Variants in TENM3 observed in about 807,000 individuals in gnomAD.
The protein encoded by TENM3 is teneurin transmembrane protein 3.
TENM3 carries 63 observed loss-of-function variants against 255.1 expected under a neutral mutation model. That is an observed-to-expected ratio of 0.25 (90% confidence interval 0.20 to 0.30). The LOEUF (loss-of-function observed/expected upper bound fraction) is 0.30, where lower values mean the gene tolerates loss of function less well. TENM3 is among the 10% of genes least tolerant of loss of function. The pLI, the probability that TENM3 is intolerant of heterozygous loss-of-function variation, is 1.00. For missense variants in TENM3, 2,929 were observed against 3,461.1 expected (o/e 0.85, Z 3.86); for synonymous variants, 1,306 against 1,322.3 (o/e 0.99, Z 0.27).
the TENM3 span, among the ~76,000 whole-genome samples, chr4:181,465,223 A>G: frequency 6.6e-6 from 1 of 152,008 alleles, no homozygotes; most frequent in Non-Finnish European, 1.5e-5. Flanking sequence ...CTTAGTTTCC[A>G]TAATCATGTT....
At chr4:182,568,299 A>G (rs1238626182) in intron 3 of TENM3, among the ~76,000 whole-genome samples, 1 of 152,226 alleles carries the variant, frequency 6.6e-6, no homozygotes, top group African/African-American at 2.4e-5. Flanking sequence ...GTTGGAAGGC[A>G]AGGATCCAGG....
chr4:182,627,758 A>C (rs1464780978), intron 4 of TENM3, among the ~76,000 whole-genome samples: 1 of 134,172 alleles, frequency 7.5e-6, no homozygotes, highest in Non-Finnish European at 1.6e-5. Context: ...TGTTAATAGG[A>C]ATATTAAAAT....
chr4:181,536,994 G>C, the TENM3 span, among the ~76,000 whole-genome samples: 1 of 151,966 alleles, frequency 6.6e-6, no homozygotes, highest in African/African-American at 2.4e-5. Context: ...TAGGTCAACT[G>C]GTAATGATAA....
At chr4:182,312,408 CTGTG>C (rs1203972059) in intron 1 of TENM3, among the ~76,000 whole-genome samples, 2 of 152,068 alleles carry the variant, frequency 1.3e-5, no homozygotes, top group Non-Finnish European at 2.9e-5. Context: ...ATTATTATTA[CTGTG>C]TGTGTGATTG....
the TENM3 span, among the ~76,000 whole-genome samples, chr4:181,632,870 A>C: frequency 6.6e-6 from 1 of 152,232 alleles, no homozygotes; most frequent in Non-Finnish European, 1.5e-5. Context: ...CAAACGAAAC[A>C]ACTTCAGTAG....
At chr4:182,042,240 T>C in the TENM3 span, among the ~76,000 whole-genome samples, 1 of 152,212 alleles carries the variant, frequency 6.6e-6, no homozygotes, top group South Asian at 2.1e-4. Context: ...TTTTTCTCTC[T>C]CCTTGATATA....
chr4:182,525,930 A>T (rs376930737), intron 3 of TENM3, among the ~76,000 whole-genome samples: 3 of 152,198 alleles, frequency 2.0e-5, no homozygotes, highest in African/African-American at 7.2e-5. Context: ...GCAGTTTCCA[A>T]TGCCTGACAC....
chr4:182,440,845 T>G (rs1348391745), intron 3 of TENM3, among the ~76,000 whole-genome samples: 1 of 152,018 alleles, frequency 6.6e-6, no homozygotes, highest in Non-Finnish European at 1.5e-5. Flanking sequence ...CGACTTTTAT[T>G]TCAGGTTTGG....
intron 3 of TENM3, among the ~76,000 whole-genome samples, chr4:182,578,133 C>T (rs1392344821): frequency 3.9e-5 from 6 of 152,160 alleles, no homozygotes; most frequent in South Asian, 2.1e-4. Context: ...CCCACCACCA[C>T]GCCCAGCTAA....
Position 182,323,848 on chromosome 4 carries a change from ACT to A in TENM3, c.-75-97_-75-96del, listed in dbSNP as rs1561320470. On this transcript the variant is annotated intron_variant, in intron 1 of 27. Coordinates refer to ENST00000511685, the MANE Select transcript of TENM3 (RefSeq NM_001080477.4). ...AAAGCAAGTTTCCTAGATAAGCAATACTATTGTTTCCTACCATCCCAGATTGA... is the reference window on the plus strand; with the variant it reads ...AAAGCAAGTTTCCTAGATAAGCAATAATTGTTTCCTACCATCCCAGATTGA... The A allele has an allele frequency of 1.2e-5, 7 of 605,296 alleles. No homozygotes were observed. The African/African-American group carries it at 1.3e-4, about 11-fold the overall frequency. 37.5% of individuals were successfully genotyped at this position (605,296 alleles called of 1,614,324 possible).
chr4:182,449,613 G>A (rs929894886), intron 3 of TENM3, among the ~76,000 whole-genome samples: 3 of 152,138 alleles, frequency 2.0e-5, no homozygotes, highest in African/African-American at 7.2e-5. Context: ...TGCAAAAATC[G>A]GCATTGAGCT....
chr4:181,563,436 A>G, the TENM3 span, among the ~76,000 whole-genome samples: 5 of 152,322 alleles, frequency 3.3e-5, no homozygotes, highest in Admixed American at 2.6e-4. Flanking sequence ...TCTTGACGTA[A>G]CTAATGATAT....
chr4:181,494,478 G>T, the TENM3 span, among the ~76,000 whole-genome samples: 1 of 151,982 alleles, frequency 6.6e-6, no homozygotes, highest in Admixed American at 6.6e-5. Flanking sequence ...TAGAGATGGG[G>T]TTTCACTATG....
intron 5 of TENM3, among the ~76,000 whole-genome samples, chr4:182,631,030 A>G (rs1751319143): frequency 6.6e-6 from 1 of 152,146 alleles, no homozygotes; most frequent in African/African-American, 2.4e-5. Context: ...CCATTAGTGA[A>G]TATAACTCTC....
At chr4:181,709,029 T>TA in the TENM3 span, among the ~76,000 whole-genome samples, 20 of 152,230 alleles carry the variant, frequency 1.3e-4, no homozygotes, top group Non-Finnish European at 1.2e-4. Flanking sequence ...GCAGAATTTA[T>TA]AAAAACCACT....
the TENM3 span, among the ~76,000 whole-genome samples, chr4:181,848,315 A>G: frequency 6.6e-6 from 1 of 152,214 alleles, no homozygotes; most frequent in African/African-American, 2.4e-5. Flanking sequence ...ACAAGGAAAC[A>G]GAAACATGAG....
At chr4:182,489,995 G>A (rs773421062) in intron 3 of TENM3, among the ~76,000 whole-genome samples, 5 of 152,138 alleles carry the variant, frequency 3.3e-5, no homozygotes, top group South Asian at 2.1e-4. Flanking sequence ...ATGATAAAAT[G>A]TGTAAGAGGA....
chr4:181,555,483 A>T, the TENM3 span, among the ~76,000 whole-genome samples: 1 of 152,234 alleles, frequency 6.6e-6, no homozygotes, highest in East Asian at 1.9e-4. Flanking sequence ...CAATTTAAAT[A>T]ACTCAACAAG....
At chr4:182,088,484 T>C in the TENM3 span, among the ~76,000 whole-genome samples, 1 of 152,182 alleles carries the variant, frequency 6.6e-6, no homozygotes, top group Admixed American at 6.5e-5. Flanking sequence ...CATTTCAGAA[T>C]ATGTGGGGCT....
Sources: allele counts gnomAD v4.1 joint callset (sites outside exome capture counted in the v4.1 genomes callset), GRCh38; gene constraint gnomAD v4.1.1; transcripts MANE v1.5; gene names NCBI Gene and HGNC (gene_info 2026-07-23, HGNC 2026-07-21).